The following IRF8 variants were observed in gnomAD, a reference collection of about 807,000 sequenced individuals.
IRF8 encodes interferon consensus sequence binding protein 1.
A neutral mutation model predicts 48.7 loss-of-function variants in IRF8; 14 were observed. That is an observed-to-expected ratio of 0.29 (90% CI 0.19 to 0.45). IRF8 has a LOEUF of 0.45. Ranked by LOEUF, IRF8 falls within the 20% of genes least tolerant of loss-of-function variation. The pLI is 1.00. For synonymous variants in IRF8, 278 were observed against 227.3 expected (o/e 1.22, Z -2.01); for missense variants, 493 against 580.7 (o/e 0.85, Z 1.55).
chr16:85,921,146 G>C lies in IRF8; in HGVS notation c.1145G>C (p.Gly382Ala). The C allele has an allele frequency of 6.2e-7, 1 of 1,614,120 alleles. No individual in the cohort carries two copies. The highest frequency in any genetic ancestry group is 8.5e-7 in the Non-Finnish European group (1 of 1,180,030). ...LYVRQLAEEA[G>A]KSCGAGSVMQ... ...GTCCGGCAACTGGCAGAAGAGGCTG[G>C]GAAGAGCTGTGGAGCCGGCTCTGTG... The change falls in exon 9 of 9, where the codon GGG becomes GCG. Residue 382 changes from glycine (G) to alanine (A), a missense_variant. Gly to Ala is a moderately conservative substitution (Grantham distance 60). Transcript: ENST00000268638.
intron 1 of IRF8, among the ~76,000 whole-genome samples, chr16:85,900,657 G>A (rs959174612): frequency 2.6e-5 from 4 of 152,178 alleles, no homozygotes; most frequent in Non-Finnish European, 5.9e-5. Context: ...TGGCTGCCTC[G>A]GTATTTGCCG....
rs148606817 is a variant in IRF8 at position 85,916,454 on chromosome 16, A to G, written c.601+1934A>G. 6.8e-4 allele frequency among the ~76,000 whole-genome samples: 104 copies of G among 152,292 alleles called. 1 individual carries two copies. The East Asian group carries it at 0.016, about 23-fold the overall frequency. ...TCGCAGCAGGCCCTTACTGTTGCAG[A>G]AGGCTCACCTGCCTCACCTTGGCAG... On this transcript the variant is annotated intron_variant, in intron 6 of 8. Transcript: ENST00000268638.
At chr16:85,914,390 C>T (rs1190514827) in intron 5 of IRF8, 83 bp from the exon 6 acceptor site, 12 of 1,553,680 alleles carry the variant, frequency 7.7e-6, no homozygotes, top group Non-Finnish European at 1.1e-5. Flanking sequence ...TTTTAAGGGA[C>T]TTTTGGAGAA....
At chr16:85,908,187 G>A (rs997939669) in intron 2 of IRF8, among the ~76,000 whole-genome samples, 5 of 152,184 alleles carry the variant, frequency 3.3e-5, no homozygotes, top group East Asian at 1.9e-4. Flanking sequence ...TCCTGAAACC[G>A]AAGATAATTC....
chr16:85,908,855 C>T, intron 2 of IRF8, 135 bp from the exon 3 acceptor site: 1 of 821,348 alleles, frequency 1.2e-6, no homozygotes, highest in Non-Finnish European at 2.1e-6. Context: ...CTCTTTGGGT[C>T]CTGAAATTGA....
chr16:85,911,455 C>T (rs957510341), intron 3 of IRF8, 115 bp from the exon 4 acceptor site: 2 of 861,710 alleles, frequency 2.3e-6, no homozygotes, highest in Non-Finnish European at 3.8e-6. Flanking sequence ...CCAATGAAGA[C>T]ACTCACTAAC....
At chr16:85,912,287 T>G (rs1387321364) in intron 4 of IRF8, among the ~76,000 whole-genome samples, 1 of 152,222 alleles carries the variant, frequency 6.6e-6, no homozygotes, top group East Asian at 1.9e-4. Flanking sequence ...TCTTCTGTCT[T>G]TGGCCTCTTA....
At chr16:85,900,191 C>T (rs567157657) in intron 1 of IRF8, among the ~76,000 whole-genome samples, 7 of 152,036 alleles carry the variant, frequency 4.6e-5, no homozygotes, top group Non-Finnish European at 1.0e-4. Flanking sequence ...CTGGGCCCTC[C>T]GAGGCGGGGG....
intron 3 of IRF8, 75 bp downstream of exon 3, chr16:85,909,248 T>C: frequency 8.1e-7 from 1 of 1,237,038 alleles, no homozygotes; most frequent in South Asian, 1.2e-5. Context: ...AACTTGGGTC[T>C]GGGGTAGACA....
chr16:85,903,057 G>C lies in IRF8; in HGVS notation c.42G>C (p.Leu14=). The change falls in exon 2 of 9, where the codon CTG becomes CTC. Residue 14 remains leucine, a synonymous_variant. Coordinates refer to ENST00000268638, the MANE Select transcript of IRF8 (RefSeq NM_002163.4). ...RNGGRRLRQW[L]IEQIDSSMYP... ...GTGGTCGGCGGCTTCGACAGTGGCT[G>C]ATCGAGCAGATTGACAGTAGCATGT... 6.2e-7 allele frequency: 1 copy of C among 1,614,224 alleles called. No individual in the cohort carries two copies. The highest frequency in any genetic ancestry group is 1.7e-5 in the Admixed American group (1 of 60,032).
chr16:85,902,932 G>A (rs1196234820), intron 1 of IRF8, 83 bp from the exon 2 acceptor site: 5 of 1,487,276 alleles, frequency 3.4e-6, no homozygotes, highest in Non-Finnish European at 1.9e-6. Context: ...AAACCTCTGA[G>A]TTTCCTGTTA....
intron 5 of IRF8, 76 bp from the exon 6 acceptor site, chr16:85,914,397 A>G: frequency 7.6e-6 from 12 of 1,571,726 alleles, no homozygotes; most frequent in Non-Finnish European, 1.1e-5. Context: ...GGACTTTTGG[A>G]GAAGGAGCGA....
At chr16:85,914,571 G>C in intron 6 of IRF8, 51 bp downstream of exon 6, 1 of 1,607,550 alleles carries the variant, frequency 6.2e-7, no homozygotes, top group Non-Finnish European at 8.5e-7. Context: ...TGAAGACAAA[G>C]CCCAGATAAC....
intron 6 of IRF8, chr16:85,918,199 T>C (rs1774898951): frequency 1.7e-6 from 1 of 574,426 alleles, no homozygotes; most frequent in Admixed American, 3.3e-5. Context: ...TTGTAGTTAA[T>C]ATGTTCAGTC....
intron 5 of IRF8, among the ~76,000 whole-genome samples, chr16:85,913,801 G>T (rs565962307): frequency 6.6e-6 from 1 of 152,210 alleles, no homozygotes; most frequent in African/African-American, 2.4e-5. Flanking sequence ...CAGGACTTGC[G>T]CCATGGGGTC....
chr16:85,905,320 G>T (rs768532178), intron 2 of IRF8, among the ~76,000 whole-genome samples: 4 of 152,208 alleles, frequency 2.6e-5, no homozygotes, highest in African/African-American at 4.8e-5. Flanking sequence ...CGGAGACGAA[G>T]CTTCTCCCTT....
intron 2 of IRF8, among the ~76,000 whole-genome samples, chr16:85,906,890 G>A (rs1006178573): frequency 2.6e-5 from 4 of 152,130 alleles, no homozygotes; most frequent in East Asian, 1.9e-4. Context: ...GGACCACCCC[G>A]CCACAAAGAA....
At position 85,913,231 on chromosome 16, in the gene IRF8, G is replaced by T. The variant is rs1905198197; in HGVS notation, c.548G>T (p.Ser183Ile). 1.2e-6 allele frequency: 2 copies of T among 1,610,564 alleles called. No homozygotes were observed. The highest frequency in any genetic ancestry group is 4.5e-5 in the East Asian group (2 of 44,878). Residue 183 changes from serine (S) to isoleucine (I), a missense_variant, in exon 5 of 9, where the codon AGC becomes ATC. Physicochemically the swap from Ser to Ile is moderately radical, Grantham distance 142. Transcript: ENST00000268638. ...CCAGACTGGTGGGCGCAGCAGCCCA[G>T]CACAGGTGAGGGTGGGTGGCCTAGA... ...LLPDWWAQQP[S>I]TGVPLVTGYT...
At chr16:85,900,625 C>T (rs1382633356) in intron 1 of IRF8, among the ~76,000 whole-genome samples, 2 of 152,206 alleles carry the variant, frequency 1.3e-5, no homozygotes, top group African/African-American at 4.8e-5. Context: ...GGGGCGCCGG[C>T]CTGGGTTCCA....
Sources: gnomAD v4.1 joint callset for allele counts (sites outside exome capture counted in the v4.1 genomes callset) on GRCh38, gnomAD v4.1.1 for gene constraint, MANE v1.5 for transcripts, NCBI Gene and HGNC (gene_info 2026-07-23, HGNC 2026-07-21) for gene names.